The following ENOX2 variants were observed in gnomAD, a reference collection of about 807,000 sequenced individuals.
ENOX2 encodes ecto-NOX disulfide-thiol exchanger 2, also known as APK1 antigen.
ENOX2 carries 36 observed loss-of-function variants against 45.0 expected under a neutral mutation model. The observed-to-expected ratio is 0.80, with a 90% CI of 0.61 to 1.06. The LOEUF is 1.06. ENOX2 is among the 50% of genes least tolerant of loss of function. The pLI is 0.00. For missense variants in ENOX2, 423 were observed against 462.5 expected (o/e 0.91, Z 0.78); for synonymous variants, 174 against 152.3 (o/e 1.14, Z -1.05).
intron 2 of ENOX2, among the ~76,000 whole-genome samples, chrX:130,841,793 AG>A (rs1284245476): frequency 8.9e-6 from 1 of 112,168 alleles, no homozygotes; most frequent in Non-Finnish European, 1.9e-5. Context: ...AAATACATCA[AG>A]CTAGAATACA....
intron 3 of ENOX2, among the ~76,000 whole-genome samples, chrX:130,739,103 C>T (rs1446883592): frequency 8.9e-6 from 1 of 112,571 alleles, no homozygotes; most frequent in Non-Finnish European, 1.9e-5. Context: ...GATGGTTCGA[C>T]TAAAATTTGT....
intron 2 of ENOX2, among the ~76,000 whole-genome samples, chrX:130,826,547 T>C (rs781140170): frequency 8.9e-6 from 1 of 111,770 alleles, no homozygotes; most frequent in African/African-American, 3.2e-5. Flanking sequence ...TTGTGAAGAG[T>C]GCTGTGCTTG....
chrX:130,757,784 A>G (rs1381239142), intron 3 of ENOX2, among the ~76,000 whole-genome samples: 2 of 109,616 alleles, frequency 1.8e-5, no homozygotes, highest in Non-Finnish European at 3.8e-5. Flanking sequence ...CCCAAGCTGG[A>G]TTGCAGTGGC....
chrX:130,811,495 C>T (rs1249654891), intron 2 of ENOX2, among the ~76,000 whole-genome samples: 1 of 112,669 alleles, frequency 8.9e-6, no homozygotes, highest in Admixed American at 9.3e-5. Flanking sequence ...TGCTCAAAGA[C>T]TCCAAGAGCA....
intron 2 of ENOX2, among the ~76,000 whole-genome samples, chrX:130,896,253 G>A (rs1270678560): frequency 9.0e-6 from 1 of 111,212 alleles, no homozygotes; most frequent in African/African-American, 3.3e-5. Context: ...GGGAAGCACA[G>A]AAAGTCACTG....
intron 2 of ENOX2, among the ~76,000 whole-genome samples, chrX:130,861,387 G>T (rs900681037): frequency 9.0e-6 from 1 of 110,863 alleles, no homozygotes; most frequent in African/African-American, 3.3e-5. Context: ...AAAAGGTGGT[G>T]TACATACACA....
chrX:130,711,205 C>T (rs868310661), intron 3 of ENOX2, among the ~76,000 whole-genome samples: 4 of 111,541 alleles, frequency 3.6e-5, no homozygotes, highest in African/African-American at 9.8e-5. Flanking sequence ...TTATCTTTTG[C>T]GTAGTATTTA....
intron 3 of ENOX2, among the ~76,000 whole-genome samples, chrX:130,715,165 T>C (rs894140830): frequency 2.7e-5 from 3 of 111,524 alleles, no homozygotes; most frequent in Non-Finnish European, 5.7e-5. Flanking sequence ...AGGATGGGTG[T>C]TGGGCTATAT....
rs917029007 is a variant in ENOX2 at position 130,903,038 on chromosome X, G to T, written c.-231+11C>A. 1 of 111,627 alleles carries T rather than the reference G, an allele frequency of 9.0e-6. No homozygotes were observed. Among genetic ancestry groups the T allele is most frequent in the Non-Finnish European group, 1.9e-5 (1 of 53,071 alleles). 9.2% of individuals were successfully genotyped at this position (111,627 alleles called of 1,213,427 possible). On this transcript the variant is annotated intron_variant, in intron 1 of 14. Transcript: ENST00000394363. ...CCAGCCACGGCCACCGGGGCTTTCTGCCTCTCTGACCTCCAGCTCCCCGGC... is the reference window on the plus strand; with the variant it reads ...CCAGCCACGGCCACCGGGGCTTTCTTCCTCTCTGACCTCCAGCTCCCCGGC...
intron 3 of ENOX2, among the ~76,000 whole-genome samples, chrX:130,722,825 G>GA (rs2038514500): frequency 8.9e-6 from 1 of 112,340 alleles, no homozygotes; most frequent in South Asian, 3.7e-4. Context: ...GTGGGGAAAG[G>GA]AAAGGCAGAT....
At chrX:130,866,850 G>A in intron 2 of ENOX2, among the ~76,000 whole-genome samples, 1 of 109,636 alleles carries the variant, frequency 9.1e-6, no homozygotes, top group Admixed American at 9.8e-5. Context: ...TTCTTCACTT[G>A]TTAACCCCAT....
At chrX:130,692,578 C>CTCTTTTT (rs1207290298) in intron 4 of ENOX2, among the ~76,000 whole-genome samples, 1 of 106,383 alleles carries the variant, frequency 9.4e-6, no homozygotes, top group African/African-American at 3.5e-5. Flanking sequence ...TTATCTCTCT[C>CTCTTTTT]TGTTTTTTTT....
chrX:130,831,238 C>T (rs1381766242), intron 2 of ENOX2, among the ~76,000 whole-genome samples: 2 of 111,631 alleles, frequency 1.8e-5, no homozygotes, highest in African/African-American at 6.5e-5. Flanking sequence ...CTAATCATCT[C>T]TTACAGGTCC....
intron 3 of ENOX2, among the ~76,000 whole-genome samples, chrX:130,752,563 C>A (rs1375340760): frequency 9.0e-6 from 1 of 110,681 alleles, no homozygotes; most frequent in East Asian, 2.8e-4. Flanking sequence ...TCCGGTTCTA[C>A]CTGATTCTCC....
intron 2 of ENOX2, among the ~76,000 whole-genome samples, chrX:130,804,778 G>C (rs1396330056): frequency 4.5e-5 from 5 of 111,524 alleles, no homozygotes; most frequent in African/African-American, 1.6e-4. Context: ...CTGAATCCTG[G>C]TATCTTCCTT....
At chrX:130,854,081 C>T (rs1285983133) in intron 2 of ENOX2, among the ~76,000 whole-genome samples, 1 of 111,683 alleles carries the variant, frequency 9.0e-6, no homozygotes, top group Non-Finnish European at 1.9e-5. Flanking sequence ...ACACAAACAC[C>T]AAGATGACAC....
chrX:130,630,851 A>G (rs1009507559), intron 13 of ENOX2, among the ~76,000 whole-genome samples: 1 of 111,026 alleles, frequency 9.0e-6, no homozygotes, highest in Non-Finnish European at 1.9e-5. Flanking sequence ...GTTAAACTCT[A>G]ACTTTGGGTA....
chrX:130,888,596 T>C (rs2078943640), intron 2 of ENOX2, among the ~76,000 whole-genome samples: 1 of 112,312 alleles, frequency 8.9e-6, no homozygotes, highest in Non-Finnish European at 1.9e-5. Context: ...TAAAGGGTTA[T>C]ACAATTGTAT....
intron 13 of ENOX2, 140 bp from the exon 14 acceptor site, chrX:130,628,183 A>AT: frequency 2.1e-6 from 1 of 469,235 alleles, no homozygotes. Flanking sequence ...TATTTTACTC[A>AT]TTTAATCTTT....
Sources: gnomAD v4.1 joint callset for allele counts (sites outside exome capture counted in the v4.1 genomes callset) on GRCh38, gnomAD v4.1.1 for gene constraint, MANE v1.5 for transcripts, NCBI Gene and HGNC (gene_info 2026-07-23, HGNC 2026-07-21) for gene names.